The following CTNNA3 variants were observed in gnomAD, a reference collection of about 807,000 sequenced individuals.
CTNNA3 encodes the protein catenin alpha-3.
In CTNNA3, 76 loss-of-function variants were observed where a neutral mutation model predicts 95.7. The observed-to-expected ratio is 0.79, with a 90% CI of 0.66 to 0.96. CTNNA3 has a LOEUF of 0.96. Ranked by LOEUF, CTNNA3 falls within the 40% of genes least tolerant of loss-of-function variation. CTNNA3 has a pLI of 0.00. For synonymous variants in CTNNA3, 431 were observed against 374.4 expected, an observed-to-expected ratio of 1.15 and a Z score of -1.74; for missense variants, 1,191 against 1,089.8, an observed-to-expected ratio of 1.09 and a Z score of -1.31.
At chr10:66,007,811 C>T (rs1192395947) in intron 15 of CTNNA3, among the ~76,000 whole-genome samples, 1 of 95,866 alleles carries the variant, frequency 1.0e-5, no homozygotes, top group South Asian at 4.4e-4. Flanking sequence ...TCCTCCCTCG[C>T]TCCCTCCCTT....
intron 5 of CTNNA3, among the ~76,000 whole-genome samples, chr10:67,403,193 A>G (rs192606944): frequency 3.3e-5 from 5 of 152,188 alleles, no homozygotes; most frequent in Admixed American, 3.3e-4. Flanking sequence ...ATGTGGCCAG[A>G]CTACTTCTTT....
chr10:65,938,306 G>A (rs1290405034), intron 17 of CTNNA3, among the ~76,000 whole-genome samples: 1 of 152,090 alleles, frequency 6.6e-6, no homozygotes, highest in Non-Finnish European at 1.5e-5. Context: ...CAAAGCTACA[G>A]GATTGTCTGA....
intron 7 of CTNNA3, among the ~76,000 whole-genome samples, chr10:67,057,954 C>T (rs1855538609): frequency 6.6e-6 from 1 of 152,042 alleles, no homozygotes; most frequent in Non-Finnish European, 1.5e-5. Context: ...GAAGTGATTT[C>T]CTATAATTCC....
intron 5 of CTNNA3, among the ~76,000 whole-genome samples, chr10:67,442,942 C>G (rs1346963912): frequency 2.0e-5 from 2 of 99,992 alleles, no homozygotes; most frequent in African/African-American, 7.9e-5. Context: ...CTATCCCTCC[C>G]CCCTCCCCCC....
intron 12 of CTNNA3, among the ~76,000 whole-genome samples, chr10:66,333,821 C>T (rs1291327158): frequency 9.2e-5 from 14 of 151,454 alleles, no homozygotes; most frequent in African/African-American, 3.4e-4. Context: ...CTAATGTTGA[C>T]AGTGGGGTGT....
chr10:66,103,566 C>A (rs373241952), intron 13 of CTNNA3, among the ~76,000 whole-genome samples: 1 of 152,110 alleles, frequency 6.6e-6, no homozygotes, highest in Non-Finnish European at 1.5e-5. Context: ...AATACTGATA[C>A]ACACCACAAC....
intron 12 of CTNNA3, among the ~76,000 whole-genome samples, chr10:66,346,199 GTA>G (rs894657656): frequency 4.1e-5 from 6 of 144,820 alleles, no homozygotes; most frequent in African/African-American, 1.5e-4. Flanking sequence ...TGAATAGTAA[GTA>G]TGTGTGTGTG....
In CTNNA3 at chr10:66,629,847, C is replaced by T. The variant is rs143678504; in HGVS notation, c.1282-8063G>A. On this transcript the variant is annotated intron_variant, in intron 9 of 17. Coordinates refer to ENST00000433211, the MANE Select transcript of CTNNA3 (RefSeq NM_013266.4). ...TCCCTTTTCACAGCCACCTTCACAC[C>T]ACTTATACTTGCTTAACTGCTATCC... Among the ~76,000 whole-genome samples, 274 of 152,210 alleles carry T rather than the reference C, an allele frequency of 1.8e-3. 3 individuals are homozygous for T. Among genetic ancestry groups the T allele is most frequent in the African/African-American group, 6.5e-3 (269 of 41,536 alleles).
intron 7 of CTNNA3, among the ~76,000 whole-genome samples, chr10:66,941,147 T>A (rs1036652066): frequency 6.6e-6 from 1 of 152,136 alleles, no homozygotes; most frequent in African/African-American, 2.4e-5. Context: ...AGAGAGACAA[T>A]ATTTCCTCAG....
chr10:66,234,499 T>C lies in CTNNA3; in HGVS notation c.1884+45971A>G, dbSNP rs146171155. On this transcript the variant is annotated intron_variant, in intron 13 of 17. Coordinates refer to ENST00000433211, the MANE Select transcript of CTNNA3 (RefSeq NM_013266.4). ...ATTGATCTTTGAGAAACTTTTACGG[T>C]TGTTATGCACCCCACATACATAATA... 6.6e-3 allele frequency among the ~76,000 whole-genome samples: 1,011 copies of C among 152,242 alleles called. 9 individuals are homozygous for C. The highest frequency in any genetic ancestry group is 0.023 in the African/African-American group (965 of 41,542).
chr10:67,529,506 G>A (rs547395619), intron 4 of CTNNA3, among the ~76,000 whole-genome samples: 1 of 122,688 alleles, frequency 8.2e-6, no homozygotes, highest in African/African-American at 3.0e-5. Flanking sequence ...GTCGGGGGAG[G>A]GGGGAGGGAT....
At chr10:66,900,056 C>T (rs955304914) in intron 7 of CTNNA3, among the ~76,000 whole-genome samples, 15 of 152,110 alleles carry the variant, frequency 9.9e-5, no homozygotes, top group African/African-American at 3.6e-4. Context: ...CAAGTGGATC[C>T]CTGACTCTGT....
At position 66,493,640 on chromosome 10, in the gene CTNNA3, C is replaced by T. The variant is rs373032377; in HGVS notation, c.1531+26977G>A. Among the ~76,000 whole-genome samples the T allele has an allele frequency of 2.1e-4, 27 of 129,764 alleles. No homozygotes were observed. In the East Asian group the frequency reaches 4.3e-3, roughly 21 times the overall value. 85.1% of individuals were successfully genotyped at this position (129,764 alleles called of 152,430 possible). A position where few individuals can be genotyped will look rare whatever the true frequency, so the allele number is the denominator to read the frequency against. On this transcript the variant is annotated intron_variant, in intron 11 of 17. Coordinates refer to ENST00000433211, the MANE Select transcript of CTNNA3 (RefSeq NM_013266.4). ...TTTTTGAGACCGAGTCTCGCTCTGT[C>T]GCTCAGGCTGGATGGAGTTCAGTGG...
intron 9 of CTNNA3, among the ~76,000 whole-genome samples, chr10:66,687,514 C>G (rs941553215): frequency 6.6e-6 from 1 of 152,056 alleles, no homozygotes. Context: ...ATACCTTATA[C>G]TACTAAGTAA....
At chr10:66,020,092 T>G (rs939118619) in intron 15 of CTNNA3, among the ~76,000 whole-genome samples, 5 of 152,164 alleles carry the variant, frequency 3.3e-5, no homozygotes, top group Admixed American at 2.0e-4. Flanking sequence ...TCAAAAACCA[T>G]AGTTGAATGT....
intron 5 of CTNNA3, among the ~76,000 whole-genome samples, chr10:67,231,637 C>T (rs10997586): frequency 0.2 from 30,711 of 152,004 alleles, 3,581 homozygotes; most frequent in East Asian, 0.33. Context: ...TCCAAAGGAA[C>T]ACAGTTCCTC....
At chr10:66,709,066 T>A (rs1848211273) in intron 9 of CTNNA3, among the ~76,000 whole-genome samples, 1 of 152,100 alleles carries the variant, frequency 6.6e-6, no homozygotes, top group Non-Finnish European at 1.5e-5. Context: ...GATCTGGCAT[T>A]TGCACTCTCC....
At chr10:66,912,850 A>C (rs1377577908) in intron 7 of CTNNA3, among the ~76,000 whole-genome samples, 1 of 152,168 alleles carries the variant, frequency 6.6e-6, no homozygotes, top group Non-Finnish European at 1.5e-5. Flanking sequence ...AGTAAATGAA[A>C]TAATGGCAGA....
At chr10:67,690,734 T>C (rs993731758) in intron 1 of CTNNA3, among the ~76,000 whole-genome samples, 1 of 152,176 alleles carries the variant, frequency 6.6e-6, no homozygotes, top group Non-Finnish European at 1.5e-5. Flanking sequence ...CAAGAGGAGA[T>C]AAATGTTTAT....
Sources: gnomAD v4.1 joint callset for allele counts (sites outside exome capture counted in the v4.1 genomes callset) on GRCh38, gnomAD v4.1.1 for gene constraint, MANE v1.5 for transcripts, NCBI Gene and HGNC (gene_info 2026-07-23, HGNC 2026-07-21) for gene names.